The following KCNN3 variants were observed in gnomAD, a reference collection of about 807,000 sequenced individuals.
KCNN3 encodes the protein potassium calcium-activated channel subfamily N member 3, also known as small conductance calcium-activated potassium channel protein 3.
In KCNN3, 16 loss-of-function variants were observed where a neutral mutation model predicts 62.9. The observed-to-expected ratio is 0.25, with a 90% CI of 0.17 to 0.39. KCNN3 has a LOEUF of 0.39. Ranked by LOEUF, KCNN3 falls within the 10% of genes least tolerant of loss-of-function variation. The pLI, the probability that KCNN3 is intolerant of heterozygous loss-of-function variation, is 1.00. For synonymous variants in KCNN3, 370 were observed against 389.2 expected (o/e 0.95, Z 0.58); for missense variants, 599 against 949.4 (o/e 0.63, Z 4.85).
At chr1:154,797,939 A>T (rs1334942061) in intron 2 of KCNN3, among the ~76,000 whole-genome samples, 1 of 152,108 alleles carries the variant, frequency 6.6e-6, no homozygotes, top group Admixed American at 6.5e-5. Flanking sequence ...ATGATCACTG[A>T]GGCCTTCTCC....
intron 2 of KCNN3, among the ~76,000 whole-genome samples, chr1:154,786,151 T>C (rs1318406377): frequency 6.6e-6 from 1 of 152,300 alleles, no homozygotes; most frequent in African/African-American, 2.4e-5. Flanking sequence ...GACATCTCCT[T>C]GGTCACTGTC....
chr1:154,764,730 AC>A (rs1648179405), intron 3 of KCNN3, among the ~76,000 whole-genome samples: 1 of 152,192 alleles, frequency 6.6e-6, no homozygotes, highest in African/African-American at 2.4e-5. Context: ...TTAATTTCAT[AC>A]ATCCACTCTT....
chr1:154,759,987 ACTTT>A, intron 3 of KCNN3, among the ~76,000 whole-genome samples: 1 of 150,728 alleles, frequency 6.6e-6, no homozygotes, highest in East Asian at 2.0e-4. Flanking sequence ...TCTCTCTCCC[ACTTT>A]CTTTCTCCTC....
intron 1 of KCNN3, among the ~76,000 whole-genome samples, chr1:154,828,373 T>C (rs1651226709): frequency 6.6e-6 from 1 of 152,100 alleles, no homozygotes; most frequent in South Asian, 2.1e-4. Context: ...GAGTTTTCTT[T>C]TCCCAGGCAT....
At position 154,869,769 on chromosome 1, in the gene KCNN3, G is replaced by A. The variant is rs1274433929; in HGVS notation, c.196C>T (p.Leu66Phe). The change falls in exon 1 of 8, where the codon CTT (leucine) becomes TTT (phenylalanine). Residue 66 changes from leucine to phenylalanine, a missense_variant. This residue lies in a region of KCNN3 where 7 missense variants were observed against 32.0 expected (regional missense o/e 0.22). Transcript: ENST00000271915. The surrounding 1 kb of genome is among the most constrained non-coding windows in gnomAD (Gnocchi z 6.1). The stretch of plus-strand genomic sequence containing the variant: ...TGCTGCTGCTGCTGCTGCTGCTGAA[G>A]CTGCGGAGGCTGAGGCTGCAGCGAG... ...GPSLQPQPPQLQQQQQQQQQQ... is the reference protein window; with the variant it reads ...GPSLQPQPPQFQQQQQQQQQQ... 2.0e-6 allele frequency: 3 copies of A among 1,520,706 alleles called. No individual in the cohort carries two copies. In the South Asian group the frequency reaches 3.7e-5, roughly 19 times the overall value. The allele number at this position is 1,520,706 out of a possible 1,614,324, so 94.2% of individuals were successfully genotyped here. A position where few individuals can be genotyped will look rare whatever the true frequency, so the allele number is the denominator to read the frequency against.
chr1:154,771,640 T>C (rs557109964), intron 3 of KCNN3, among the ~76,000 whole-genome samples: 1 of 152,358 alleles, frequency 6.6e-6, no homozygotes, highest in South Asian at 2.1e-4. Context: ...AAAATGCTAA[T>C]AAGCATTATT....
At chr1:154,713,618 G>T in intron 6 of KCNN3, 85 bp from the exon 7 acceptor site, 1 of 1,140,794 alleles carries the variant, frequency 8.8e-7, no homozygotes, top group Non-Finnish European at 1.3e-6. Flanking sequence ...CCCTACCACT[G>T]CCTCTGATTT....
intron 1 of KCNN3, among the ~76,000 whole-genome samples, chr1:154,837,032 C>T (rs1558000322): frequency 6.6e-6 from 1 of 152,190 alleles, no homozygotes; most frequent in African/African-American, 2.4e-5. Flanking sequence ...GTGGGGAGAA[C>T]TCCATCAACT....
chr1:154,748,503 T>A (rs1265134080), intron 3 of KCNN3, among the ~76,000 whole-genome samples: 2 of 152,232 alleles, frequency 1.3e-5, no homozygotes, highest in Non-Finnish European at 2.9e-5. Context: ...GCTATCTCTG[T>A]GTGGTAGGTA....
chr1:154,733,918 G>A (rs1230162281), intron 3 of KCNN3, among the ~76,000 whole-genome samples: 1 of 152,214 alleles, frequency 6.6e-6, no homozygotes, highest in Non-Finnish European at 1.5e-5. Flanking sequence ...CTGCCCTCAG[G>A]GACCCAGCCC....
intron 6 of KCNN3, among the ~76,000 whole-genome samples, chr1:154,714,278 T>TGC (rs1700162139): frequency 8.1e-6 from 1 of 123,114 alleles, no homozygotes; most frequent in Admixed American, 8.4e-5. Flanking sequence ...ATGTGGTGTG[T>TGC]GTGGTGTGTG....
At chr1:154,730,903 C>T (rs922796395) in intron 4 of KCNN3, among the ~76,000 whole-genome samples, 1 of 152,166 alleles carries the variant, frequency 6.6e-6, no homozygotes, top group Non-Finnish European at 1.5e-5. Context: ...AGCCTCCGGA[C>T]CCCAAAGAGA....
intron 2 of KCNN3, among the ~76,000 whole-genome samples, chr1:154,821,692 G>C (rs2101894094): frequency 6.6e-6 from 1 of 152,340 alleles, no homozygotes; most frequent in East Asian, 1.9e-4. Flanking sequence ...CACAAGGCAG[G>C]TCTGCCTCAC....
At chr1:154,807,666 G>A (rs1290661056) in intron 2 of KCNN3, among the ~76,000 whole-genome samples, 1 of 152,198 alleles carries the variant, frequency 6.6e-6, no homozygotes, top group Non-Finnish European at 1.5e-5. Flanking sequence ...AACAATAAGG[G>A]AAGAGCAAAA....
rs1354361820 is a variant in KCNN3 at position 154,809,234 on chromosome 1, A to C, written c.1029+12855T>G. Among the ~76,000 whole-genome samples, 1 of 152,152 alleles carries C rather than the reference A, an allele frequency of 6.6e-6. No individual in the cohort carries two copies. The highest frequency in any genetic ancestry group is 1.5e-5 in the Non-Finnish European group (1 of 68,024). On this transcript the variant is annotated intron_variant, in intron 2 of 7. Coordinates refer to ENST00000271915, the MANE Select transcript of KCNN3 (RefSeq NM_002249.6). This position sits in a 1 kb window ranked among gnomAD's most constrained non-coding sequence, Gnocchi z 4.3. The stretch of plus-strand genomic sequence containing the variant: ...GACTCAACACTCAGCCCCAGCAGCC[A>C]AGCCCCAGCACCAGCAGCCACGCTT...
At position 154,869,951 on chromosome 1, in the gene KCNN3, C is replaced by A. The variant is rs753975074; in HGVS notation, c.14G>T (p.Gly5Val). MDTSGHFHDSGVGDL... is the reference protein window; with the variant it reads MDTSVHFHDSGVGDL... ...CCCCACCCCCGAGTCATGGAAGTGC[C>A]CAGAAGTGTCCATCTTGGGGCCTGG... The change falls in exon 1 of 8, where the codon GGG (glycine) becomes GTG (valine). Residue 5 changes from glycine (G) to valine (V), a missense_variant. Physicochemically the swap from Gly to Val is moderately radical, Grantham distance 109. Transcript: ENST00000271915. This position sits in a 1 kb window ranked among gnomAD's most constrained non-coding sequence, Gnocchi z 6.1. 7 of 1,611,140 alleles carry A rather than the reference C, an allele frequency of 4.3e-6. No individual in the cohort carries two copies. Among genetic ancestry groups the A allele is most frequent in the Non-Finnish European group, 5.9e-6 (7 of 1,178,694 alleles).
At chr1:154,829,585 T>C (rs189980588) in intron 1 of KCNN3, among the ~76,000 whole-genome samples, 1,791 of 151,944 alleles carry the variant, frequency 0.012, 45 homozygotes, top group African/African-American at 0.041. Context: ...CCATCCACAC[T>C]CTCCTCTCAG....
At chr1:154,780,193 T>G (rs1452557726) in intron 2 of KCNN3, among the ~76,000 whole-genome samples, 1 of 129,144 alleles carries the variant, frequency 7.7e-6, no homozygotes, top group Non-Finnish European at 1.6e-5. Flanking sequence ...TTTCTTTTTT[T>G]CTTTTTTTTT....
chr1:154,854,813 A>G (rs1173529083), intron 1 of KCNN3, among the ~76,000 whole-genome samples: 1 of 152,242 alleles, frequency 6.6e-6, no homozygotes, highest in Non-Finnish European at 1.5e-5. Flanking sequence ...CTTTTTAAAT[A>G]AATATTTCTA....
Sources: gnomAD v4.1 joint callset for allele counts (sites outside exome capture counted in the v4.1 genomes callset) on GRCh38, gnomAD v4.1.1 for gene constraint, gnomAD v4.1.1 regional missense constraint, Gnocchi (gnomAD v3.1) non-coding constraint, MANE v1.5 for transcripts, NCBI Gene and HGNC (gene_info 2026-07-23, HGNC 2026-07-21) for gene names.